FRZB: variants seen among roughly 807,000 people sequenced by gnomAD.
The protein encoded by FRZB is frizzled related protein.
In FRZB, 34 loss-of-function variants were observed where a neutral mutation model predicts 32.5. The observed-to-expected ratio is 1.05, with a 90% CI of 0.80 to 1.39. FRZB has a LOEUF of 1.39. Ranked by LOEUF, FRZB falls within the 40% of genes most tolerant of loss-of-function variation. The pLI is 0.00. For missense variants in FRZB, 423 were observed against 424.8 expected (o/e 1.00, Z 0.04); for synonymous variants, 170 against 159.2 (o/e 1.07, Z -0.51).
At chr2:182,835,149 A>G (rs1280711795) in intron 5 of FRZB, among the ~76,000 whole-genome samples, 184 bp from the exon 6 acceptor site, 1 of 152,138 alleles carries the variant, frequency 6.6e-6, no homozygotes, top group South Asian at 2.1e-4. Flanking sequence ...TTATTCTCTG[A>G]CTTTAACAAG....
At chr2:182,838,334 A>G in intron 4 of FRZB, 75 bp downstream of exon 4, 1 of 1,208,930 alleles carries the variant, frequency 8.3e-7, no homozygotes, top group Non-Finnish European at 1.2e-6. Context: ...ATGCGAGGGT[A>G]GCATCTCTAG....
chr2:182,860,818 G>T (rs1421719241), intron 1 of FRZB, among the ~76,000 whole-genome samples: 1 of 140,862 alleles, frequency 7.1e-6, no homozygotes, highest in African/African-American at 2.7e-5. Context: ...AGTGAGCAGA[G>T]ATCACGCCAC....
intron 2 of FRZB, among the ~76,000 whole-genome samples, chr2:182,851,851 C>T (rs6733333): frequency 0.055 from 8,383 of 151,932 alleles, 760 homozygotes; most frequent in African/African-American, 0.19. Context: ...GGAGGAATCC[C>T]TATGAGGAGA....
At chr2:182,843,318 G>A (rs185570678) in intron 2 of FRZB, among the ~76,000 whole-genome samples, 2 of 152,242 alleles carry the variant, frequency 1.3e-5, no homozygotes, top group African/African-American at 2.4e-5. Context: ...CTATAGGGTA[G>A]ATTCATTTGA....
chr2:182,845,563 A>G (rs549652290), intron 2 of FRZB, among the ~76,000 whole-genome samples: 123 of 130,608 alleles, frequency 9.4e-4, no homozygotes, highest in African/African-American at 2.9e-3. Flanking sequence ...TTATGTAAGG[A>G]AAAAAAAATA....
At chr2:182,858,045 T>C (rs138153248) in intron 2 of FRZB, among the ~76,000 whole-genome samples, 8 of 152,322 alleles carry the variant, frequency 5.3e-5, no homozygotes, top group Non-Finnish European at 1.0e-4. Flanking sequence ...GGAACTCTTA[T>C]ACATTACTAG....
intron 2 of FRZB, among the ~76,000 whole-genome samples, chr2:182,849,104 G>A (rs1439407872): frequency 6.6e-6 from 1 of 152,076 alleles, no homozygotes; most frequent in Non-Finnish European, 1.5e-5. Context: ...GCAAGTGCCT[G>A]TAGTCCCAGC....
intron 2 of FRZB, among the ~76,000 whole-genome samples, chr2:182,850,925 G>T (rs2105758894): frequency 6.6e-6 from 1 of 152,232 alleles, no homozygotes; most frequent in South Asian, 2.1e-4. Flanking sequence ...TCAAACTGGG[G>T]TGAGATATCT....
intron 2 of FRZB, among the ~76,000 whole-genome samples, chr2:182,843,697 G>A (rs956274576): frequency 2.6e-5 from 4 of 152,098 alleles, no homozygotes; most frequent in African/African-American, 4.8e-5. Flanking sequence ...CCAACATGGT[G>A]GGGGAAAAAA....
chr2:182,844,707 T>C (rs953010404), intron 2 of FRZB, among the ~76,000 whole-genome samples: 1 of 152,192 alleles, frequency 6.6e-6, no homozygotes, highest in Non-Finnish European at 1.5e-5. Context: ...CATAAAACTT[T>C]CCAGGCAGGG....
At chr2:182,849,100 GC>G (rs1289386060) in intron 2 of FRZB, among the ~76,000 whole-genome samples, 2 of 152,052 alleles carry the variant, frequency 1.3e-5, no homozygotes, top group Non-Finnish European at 2.9e-5. Context: ...GGTGGCAAGT[GC>G]CTGTAGTCCC....
chr2:182,843,612 A>G (rs930280242), intron 2 of FRZB, among the ~76,000 whole-genome samples: 29 of 152,162 alleles, frequency 1.9e-4, no homozygotes, highest in Non-Finnish European at 3.8e-4. Context: ...TCAACAAAAA[A>G]AGTTTCACTT....
chr2:182,842,655 C>T (rs1695599059), intron 2 of FRZB, 112 bp from the exon 3 acceptor site: 2 of 713,254 alleles, frequency 2.8e-6, no homozygotes, highest in Non-Finnish European at 4.8e-6. Flanking sequence ...TGAGAAGGCT[C>T]TTGTCAATTC....
rs761064512 is a variant in FRZB, at chr2:182,866,032, G to A, written c.478+43C>T. 1.4e-6 allele frequency: 2 copies of A among 1,471,562 alleles called. No individual in the cohort carries two copies. Among genetic ancestry groups the A allele is most frequent in the Non-Finnish European group, 1.9e-6 (2 of 1,069,010 alleles). 91.2% of individuals were successfully genotyped at this position (1,471,562 alleles called of 1,614,324 possible). ...AGTAACAAGGACTCCAAGAATTGAGGAGGCTGTAGGGTAAGGGAAGGGTGG... is the reference window on the plus strand; with the variant it reads ...AGTAACAAGGACTCCAAGAATTGAGAAGGCTGTAGGGTAAGGGAAGGGTGG... On this transcript the variant is annotated intron_variant, in intron 1 of 5. Coordinates refer to ENST00000295113, the MANE Select transcript of FRZB (RefSeq NM_001463.4). This position sits in a 1 kb window ranked among gnomAD's most constrained non-coding sequence, Gnocchi z 4.5.
At chr2:182,837,314 A>T (rs1574981582) in intron 5 of FRZB, among the ~76,000 whole-genome samples, 2 of 152,198 alleles carry the variant, frequency 1.3e-5, no homozygotes, top group East Asian at 3.9e-4. Flanking sequence ...GATCTCTTCT[A>T]TACAGATGAA....
chr2:182,843,797 G>A lies in FRZB; in HGVS notation c.527-1254C>T, dbSNP rs116442379. On this transcript the variant is annotated intron_variant, in intron 2 of 5. Coordinates refer to ENST00000295113, the MANE Select transcript of FRZB (RefSeq NM_001463.4). ...AAATGCAAAAATCAGCTGGTGTGGT[G>A]GCGTGTGCCTGTAGTTTCAGCTATT... is the stretch of plus-strand genomic sequence containing the variant. Among the ~76,000 whole-genome samples the A allele has an allele frequency of 2.3e-3, 351 of 152,230 alleles. 1 individual carries two copies. Among genetic ancestry groups the A allele is most frequent in the African/African-American group, 8.2e-3 (339 of 41,550 alleles).
At chr2:182,859,674 G>A (rs1031871472) in intron 1 of FRZB, among the ~76,000 whole-genome samples, 2 of 151,790 alleles carry the variant, frequency 1.3e-5, no homozygotes, top group Admixed American at 1.3e-4. Context: ...TTTGTTTATA[G>A]GTCCTATCAG....
At position 182,866,258 on chromosome 2, in the gene FRZB, C is replaced by T; in HGVS notation, c.295G>A (p.Asp99Asn). 1 of 1,614,176 alleles carries T rather than the reference C, an allele frequency of 6.2e-7. No homozygotes were observed. Among genetic ancestry groups the T allele is most frequent in the Non-Finnish European group, 8.5e-7 (1 of 1,180,038 alleles). ...GGCTTGATGGGCTCGTGCTGGAAGTCAATGGTGCAGATGGGCGCGTACATG... is the reference window on the plus strand; with the variant it reads ...GGCTTGATGGGCTCGTGCTGGAAGTTAATGGTGCAGATGGGCGCGTACATG... The part of the protein sequence containing the change: ...CAMYAPICTI[D>N]FQHEPIKPCK... Residue 99 changes from aspartate to asparagine, a missense_variant, in exon 1 of 6, where the codon GAC (aspartate) becomes AAC (asparagine). By Grantham distance (23) the Asp-to-Asn change is conservative. Transcript: ENST00000295113. This position sits in a 1 kb window ranked among gnomAD's most constrained non-coding sequence, Gnocchi z 4.5.
intron 1 of FRZB, among the ~76,000 whole-genome samples, chr2:182,865,738 A>G (rs565535325): frequency 6.6e-6 from 1 of 152,338 alleles, no homozygotes; most frequent in East Asian, 1.9e-4. Context: ...ATCACTTTAC[A>G]AAATGTGGCT....
Sources: allele counts gnomAD v4.1 joint callset (sites outside exome capture counted in the v4.1 genomes callset), GRCh38; gene constraint gnomAD v4.1.1; non-coding constraint Gnocchi (gnomAD v3.1); transcripts MANE v1.5; gene names NCBI Gene and HGNC (gene_info 2026-07-23, HGNC 2026-07-21).